Variants in UGT8 observed in about 807,000 individuals in gnomAD.
UGT8 encodes 2-hydroxyacylsphingosine 1-beta-galactosyltransferase.
UGT8 carries 12 observed loss-of-function variants against 40.5 expected under a neutral mutation model. The ratio of observed to expected loss-of-function variants is 0.30; its 90% CI spans 0.19 to 0.48. UGT8 has a LOEUF of 0.48. Among genes scored for constraint, UGT8 ranks in the 20% least tolerant of loss-of-function variants. The probability of loss-of-function intolerance (pLI) is 0.99; values close to 1 mark genes in which losing one functional copy is unlikely to be tolerated. For synonymous variants in UGT8, 224 were observed against 240.4 expected (o/e 0.93, Z 0.63); for missense variants, 513 against 648.7 (o/e 0.79, Z 2.27).
chr4:114,629,069 G>T (rs1732420796), intron 2 of UGT8, among the ~76,000 whole-genome samples: 1 of 152,092 alleles, frequency 6.6e-6, no homozygotes, highest in Admixed American at 6.5e-5. Flanking sequence ...TTGGATATGA[G>T]ACCAGGGTCC....
chr4:114,617,270 C>A (rs532808311), intron 1 of UGT8, among the ~76,000 whole-genome samples: 1 of 152,244 alleles, frequency 6.6e-6, no homozygotes, highest in East Asian at 1.9e-4. Flanking sequence ...AACAAACAGA[C>A]AAACCCTTCC....
chr4:114,674,990 T>C (rs1735534430), intron 5 of UGT8, among the ~76,000 whole-genome samples: 1 of 152,220 alleles, frequency 6.6e-6, no homozygotes, highest in African/African-American at 2.4e-5. Context: ...TTTTCCTTGG[T>C]CTTTTAATCA....
intron 1 of UGT8, among the ~76,000 whole-genome samples, chr4:114,609,636 T>G (rs1283943354): frequency 2.0e-5 from 3 of 152,082 alleles, no homozygotes; most frequent in African/African-American, 4.8e-5. Flanking sequence ...AGGGATTGGA[T>G]AGAGTGGAGA....
At chr4:114,620,791 CT>C (rs1731736066) in intron 1 of UGT8, among the ~76,000 whole-genome samples, 1 of 152,090 alleles carries the variant, frequency 6.6e-6, no homozygotes, top group Non-Finnish European at 1.5e-5. Flanking sequence ...CTATTGATTT[CT>C]TTACATTGCT....
At chr4:114,641,131 A>C (rs994841842) in intron 2 of UGT8, among the ~76,000 whole-genome samples, 2 of 152,254 alleles carry the variant, frequency 1.3e-5, no homozygotes, top group African/African-American at 4.8e-5. Flanking sequence ...GAAAAGCTAA[A>C]GCTAAAGCCT....
intron 2 of UGT8, among the ~76,000 whole-genome samples, chr4:114,646,702 T>C (rs1733593633): frequency 6.6e-6 from 1 of 152,172 alleles, no homozygotes; most frequent in Non-Finnish European, 1.5e-5. Flanking sequence ...AGAAAGCAAA[T>C]TGGCAAGTCT....
chr4:114,662,865 G>A (rs1351074954), intron 2 of UGT8, among the ~76,000 whole-genome samples: 13 of 110,618 alleles, frequency 1.2e-4, no homozygotes, highest in Middle Eastern at 9.8e-3. Context: ...TCACTCTGTC[G>A]CCCAGGCTGG....
intron 2 of UGT8, among the ~76,000 whole-genome samples, chr4:114,652,435 G>A (rs2126123191): frequency 6.6e-6 from 1 of 151,802 alleles, no homozygotes; most frequent in South Asian, 2.1e-4. Flanking sequence ...GAGAACTTGA[G>A]CATTGGCATT....
chr4:114,627,804 C>T (rs903055520), intron 2 of UGT8, among the ~76,000 whole-genome samples: 9 of 152,194 alleles, frequency 5.9e-5, no homozygotes, highest in Non-Finnish European at 1.0e-4. Context: ...CAGCCTTGAA[C>T]TCTTATAGCA....
chr4:114,623,090 C>G lies in UGT8; in HGVS notation c.210C>G (p.Leu70=). 6.2e-7 allele frequency: 1 copy of G among 1,614,144 alleles called. No homozygotes were observed. Among genetic ancestry groups the G allele is most frequent in the Non-Finnish European group, 8.5e-7 (1 of 1,180,014 alleles). ...TCGCCCCATCTAATCATTACAGCCT[C>G]CAGCGCTACCCAGGGATCTTTAACA... ...RDIAPSNHYS[L]QRYPGIFNST... The change falls in exon 2 of 6, where the codon CTC becomes CTG. Residue 70 remains leucine (L), a synonymous_variant. Coordinates refer to ENST00000310836, the MANE Select transcript of UGT8 (RefSeq NM_001128174.3).
intron 2 of UGT8, among the ~76,000 whole-genome samples, chr4:114,635,732 G>A (rs566288284): frequency 3.3e-5 from 5 of 151,992 alleles, no homozygotes; most frequent in South Asian, 2.1e-4. Flanking sequence ...TAAGTATATC[G>A]CTTTGTAAAT....
At chr4:114,645,221 A>G (rs1351450204) in intron 2 of UGT8, among the ~76,000 whole-genome samples, 5 of 152,336 alleles carry the variant, frequency 3.3e-5, no homozygotes, top group Middle Eastern at 3.4e-3. Flanking sequence ...CAAGAGTTTC[A>G]CTACCAAGTT....
chr4:114,605,129 T>G (rs918867758), intron 1 of UGT8, among the ~76,000 whole-genome samples: 2 of 152,182 alleles, frequency 1.3e-5, no homozygotes, highest in African/African-American at 4.8e-5. Flanking sequence ...AATGCCACAC[T>G]TAGGTAAGTG....
intron 2 of UGT8, among the ~76,000 whole-genome samples, chr4:114,638,524 C>T (rs1733022481): frequency 6.6e-6 from 1 of 152,110 alleles, no homozygotes; most frequent in Non-Finnish European, 1.5e-5. Context: ...ATCTGTCCTC[C>T]CTCCATCTGT....
intron 1 of UGT8, among the ~76,000 whole-genome samples, chr4:114,604,472 TC>T (rs752063508): frequency 0.014 from 2,067 of 146,368 alleles, 27 homozygotes; most frequent in African/African-American, 0.024. Flanking sequence ...TTTTTTTTTT[TC>T]CCCCAATTAA....
chr4:114,636,566 T>G (rs1732897951), intron 2 of UGT8, among the ~76,000 whole-genome samples: 1 of 152,222 alleles, frequency 6.6e-6, no homozygotes, highest in Non-Finnish European at 1.5e-5. Flanking sequence ...TAGAAATAAT[T>G]TCTTGATATT....
At chr4:114,625,239 G>A (rs758263229) in intron 2 of UGT8, among the ~76,000 whole-genome samples, 5 of 152,052 alleles carry the variant, frequency 3.3e-5, no homozygotes, top group Admixed American at 1.3e-4. Flanking sequence ...GGAGCTGGAC[G>A]CGGTGTCCCA....
At chr4:114,667,408 G>A (rs1167593212) in intron 4 of UGT8, among the ~76,000 whole-genome samples, 1 of 152,056 alleles carries the variant, frequency 6.6e-6, no homozygotes, top group East Asian at 1.9e-4. Flanking sequence ...AGTAAATCTA[G>A]GTTTTGAACT....
At chr4:114,611,445 T>C (rs55797762) in intron 1 of UGT8, among the ~76,000 whole-genome samples, 67,972 of 103,864 alleles carry the variant, frequency 0.65, 20,870 homozygotes, top group South Asian at 0.76. Context: ...TATATATATA[T>C]ACACACACAC....
Sources: gnomAD v4.1 joint callset for allele counts (sites outside exome capture counted in the v4.1 genomes callset) on GRCh38, gnomAD v4.1.1 for gene constraint, MANE v1.5 for transcripts, NCBI Gene and HGNC (gene_info 2026-07-23, HGNC 2026-07-21) for gene names.